Variants in FRAS1 observed in about 807,000 individuals in gnomAD.
FRAS1 encodes the protein extracellular matrix organizing protein FRAS1.
A neutral mutation model predicts 435.2 loss-of-function variants in FRAS1; 290 were observed. The observed-to-expected ratio is 0.67, with a 90% CI of 0.61 to 0.73. The LOEUF is 0.73. Ranked by LOEUF, FRAS1 falls within the 30% of genes least tolerant of loss-of-function variation. The pLI is 0.00. For missense variants in FRAS1, 4,860 were observed against 5,001.5 expected, an observed-to-expected ratio of 0.97 and a Z score of 0.85; for synonymous variants, 1,800 against 1,851.0, an observed-to-expected ratio of 0.97 and a Z score of 0.71.
intron 2 of FRAS1, among the ~76,000 whole-genome samples, chr4:78,078,429 A>AGGTAAGGATAAAACCTT (rs1334865762): frequency 6.6e-6 from 1 of 152,194 alleles, no homozygotes; most frequent in East Asian, 1.9e-4. Context: ...TCTGACTGTA[A>AGGTAAGGATAAAACCTT]GGTAAGGATA....
At chr4:78,271,812 TC>T (rs1726710674) in intron 9 of FRAS1, among the ~76,000 whole-genome samples, 1 of 152,240 alleles carries the variant, frequency 6.6e-6, no homozygotes, top group South Asian at 2.1e-4. Flanking sequence ...TGATTTATAA[TC>T]CTTTGGGTAT....
At chr4:78,166,086 A>C (rs541857231) in intron 2 of FRAS1, among the ~76,000 whole-genome samples, 1 of 152,308 alleles carries the variant, frequency 6.6e-6, no homozygotes, top group African/African-American at 2.4e-5. Context: ...TGAGTAATCT[A>C]ATTGGTTATT....
chr4:78,539,174 T>C, intron 72 of FRAS1, 120 bp from the exon 73 acceptor site: 3 of 914,538 alleles, frequency 3.3e-6, no homozygotes, highest in Non-Finnish European at 3.3e-6. Context: ...CAGCACATAC[T>C]CTCTCAACTC....
At chr4:78,410,445 A>T (rs531007196) in intron 31 of FRAS1, among the ~76,000 whole-genome samples, 160 of 132,054 alleles carry the variant, frequency 1.2e-3, no homozygotes, top group African/African-American at 4.3e-3. Flanking sequence ...ATAACAAAAA[A>T]TAATGATTTA....
intron 9 of FRAS1, among the ~76,000 whole-genome samples, chr4:78,268,250 C>A (rs903592104): frequency 2.0e-5 from 3 of 152,142 alleles, no homozygotes; most frequent in Admixed American, 2.0e-4. Context: ...TAGTTCTTCT[C>A]CCCCACTTCT....
At chr4:78,400,967 A>C in intron 30 of FRAS1, 80 bp downstream of exon 30, 1 of 1,340,032 alleles carries the variant, frequency 7.5e-7, no homozygotes, top group Non-Finnish European at 1.0e-6. Flanking sequence ...GCCATGTGGC[A>C]AGATTGCAAT....
intron 2 of FRAS1, among the ~76,000 whole-genome samples, chr4:78,128,281 C>T (rs1011320777): frequency 2.0e-5 from 3 of 152,120 alleles, no homozygotes; most frequent in Non-Finnish European, 2.9e-5. Flanking sequence ...AATGGGATTG[C>T]TGGGTCAAAT....
At chr4:78,321,051 G>A (rs1729484930) in intron 18 of FRAS1, among the ~76,000 whole-genome samples, 1 of 152,180 alleles carries the variant, frequency 6.6e-6, no homozygotes, top group Admixed American at 6.5e-5. Flanking sequence ...TCAAAAATGG[G>A]GAATTCGGAG....
At chr4:78,215,580 TG>T (rs1723733184) in intron 2 of FRAS1, among the ~76,000 whole-genome samples, 2 of 152,214 alleles carry the variant, frequency 1.3e-5, no homozygotes, top group African/African-American at 4.8e-5. Flanking sequence ...TTTTGCAAAA[TG>T]GAAACTCTGT....
At chr4:78,412,492 CTG>C (rs1371032350) in intron 31 of FRAS1, among the ~76,000 whole-genome samples, 1 of 152,154 alleles carries the variant, frequency 6.6e-6, no homozygotes, top group Non-Finnish European at 1.5e-5. Context: ...TATCACTTAC[CTG>C]TGCTGGTTAA....
intron 15 of FRAS1, among the ~76,000 whole-genome samples, chr4:78,311,009 A>C (rs1728995160): frequency 6.6e-6 from 1 of 152,222 alleles, no homozygotes; most frequent in South Asian, 2.1e-4. Flanking sequence ...GCGTTCAACA[A>C]ATATTAGATA....
chr4:78,298,949 T>A (rs866991858), intron 14 of FRAS1, among the ~76,000 whole-genome samples: 11 of 152,300 alleles, frequency 7.2e-5, no homozygotes, highest in African/African-American at 2.6e-4. Flanking sequence ...AAGAGAGGCA[T>A]ATGCAACATG....
chr4:78,481,295 G>C (rs1261364012), intron 56 of FRAS1, among the ~76,000 whole-genome samples: 1 of 152,186 alleles, frequency 6.6e-6, no homozygotes, highest in Non-Finnish European at 1.5e-5. Flanking sequence ...CATGACATGT[G>C]CTTGGGTAAA....
intron 2 of FRAS1, among the ~76,000 whole-genome samples, chr4:78,104,574 C>T (rs1031545707): frequency 5.3e-5 from 8 of 152,166 alleles, no homozygotes; most frequent in Admixed American, 1.3e-4. Context: ...CACTTGCTTT[C>T]GTGTTGCCTG....
chr4:78,309,107 G>C (rs1183758026), intron 15 of FRAS1, among the ~76,000 whole-genome samples: 1 of 152,292 alleles, frequency 6.6e-6, no homozygotes, highest in East Asian at 1.9e-4. Context: ...ACCAGAGGTC[G>C]GAGTGATAGA....
At chr4:78,450,574 G>A (rs926235546) in intron 45 of FRAS1, 14 of 477,988 alleles carry the variant, frequency 2.9e-5, no homozygotes, top group African/African-American at 2.6e-4. Context: ...GGCATTTGCA[G>A]CTATTTTGGA....
intron 63 of FRAS1, 69 bp downstream of exon 63, chr4:78,509,075 G>A (rs1245944412): frequency 1.9e-6 from 3 of 1,542,330 alleles, no homozygotes; most frequent in Non-Finnish European, 2.7e-6. Flanking sequence ...TTGTTACTCA[G>A]ATAATCAAAT....
intron 2 of FRAS1, among the ~76,000 whole-genome samples, chr4:78,122,195 C>G (rs1413685893): frequency 6.6e-6 from 1 of 151,988 alleles, no homozygotes; most frequent in East Asian, 1.9e-4. Context: ...TCTTATTGTT[C>G]AATTCCCACT....
chr4:78,347,606 A>G (rs1730653515), intron 20 of FRAS1, among the ~76,000 whole-genome samples: 1 of 152,122 alleles, frequency 6.6e-6, no homozygotes, highest in African/African-American at 2.4e-5. Flanking sequence ...CTGTGCTGTT[A>G]CATGCTCTTC....
Sources: allele counts gnomAD v4.1 joint callset (sites outside exome capture counted in the v4.1 genomes callset), GRCh38; gene constraint gnomAD v4.1.1; transcripts MANE v1.5; gene names NCBI Gene and HGNC (gene_info 2026-07-23, HGNC 2026-07-21).